COL22A1: variants seen among roughly 807,000 people sequenced by gnomAD.
The protein encoded by COL22A1 is collagen alpha-1(XXII) chain.
COL22A1 carries 221 observed loss-of-function variants against 248.9 expected under a neutral mutation model. The observed-to-expected ratio is 0.89, with a 90% CI of 0.80 to 0.99. COL22A1 has a LOEUF of 0.99. COL22A1 is among the 50% of genes least tolerant of loss of function. COL22A1 has a pLI of 0.00. For synonymous variants in COL22A1, 891 were observed against 793.4 expected, an observed-to-expected ratio of 1.12 and a Z score of -2.07; for missense variants, 2,240 against 2,179.0, an observed-to-expected ratio of 1.03 and a Z score of -0.56.
In COL22A1 at chr8:138,720,711, T is replaced by C. The variant is rs141460104; in HGVS notation, c.2355+28A>G. 2.5e-4 allele frequency: 405 copies of C among 1,592,034 alleles called. 1 individual carries two copies. The African/African-American group carries it at 5.0e-3, about 20-fold the overall frequency. ...AATAGACCACTCAGAATAGCAAGCA[T>C]AATGGGAAAAAGAGGCAAAGTCCAT... On this transcript the variant is annotated intron_variant, in intron 27 of 64. Coordinates refer to ENST00000303045, the MANE Select transcript of COL22A1 (RefSeq NM_152888.3).
chr8:138,659,449 C>T (rs561360800), intron 44 of COL22A1, among the ~76,000 whole-genome samples: 44 of 152,286 alleles, frequency 2.9e-4, no homozygotes, highest in African/African-American at 1.0e-3. Context: ...AGCTTCTGCC[C>T]AGGTGAGCAT....
At chr8:138,859,606 G>A (rs1822299149) in intron 3 of COL22A1, among the ~76,000 whole-genome samples, 1 of 152,200 alleles carries the variant, frequency 6.6e-6, no homozygotes, top group South Asian at 2.1e-4. Flanking sequence ...GCACAGGGCT[G>A]AGACCTAGAG....
intron 54 of COL22A1, among the ~76,000 whole-genome samples, chr8:138,616,561 A>G (rs1819337692): frequency 6.6e-6 from 1 of 152,202 alleles, no homozygotes; most frequent in Admixed American, 6.5e-5. Context: ...ACCTTGGGAA[A>G]TCACCCATGT....
chr8:138,709,441 T>C (rs1267116285), intron 30 of COL22A1, among the ~76,000 whole-genome samples: 2 of 152,014 alleles, frequency 1.3e-5, no homozygotes, highest in Non-Finnish European at 2.9e-5. Context: ...ATATACACCA[T>C]GGAATACTAC....
intron 16 of COL22A1, among the ~76,000 whole-genome samples, chr8:138,763,104 A>C (rs1348374361): frequency 6.6e-6 from 1 of 152,116 alleles, no homozygotes; most frequent in Non-Finnish European, 1.5e-5. Flanking sequence ...AGAAAACAAA[A>C]GCCTGGGCGT....
At chr8:138,617,037 G>T (rs1587685395) in intron 53 of COL22A1, 79 bp from the exon 54 acceptor site, 7 of 1,487,716 alleles carry the variant, frequency 4.7e-6, no homozygotes, top group Non-Finnish European at 4.7e-6. Context: ...CTCCCTGCCG[G>T]CTTTGACCCA....
At chr8:138,876,123 G>C (rs1355481640) in intron 3 of COL22A1, among the ~76,000 whole-genome samples, 1 of 151,948 alleles carries the variant, frequency 6.6e-6, no homozygotes, top group African/African-American at 2.4e-5. Context: ...CCCCTTTATG[G>C]GGACCCTGAC....
chr8:138,641,065 T>A (rs1056735124), intron 47 of COL22A1, among the ~76,000 whole-genome samples: 3 of 152,190 alleles, frequency 2.0e-5, no homozygotes, highest in African/African-American at 7.2e-5. Flanking sequence ...ATATCTGACC[T>A]CTCTATATAC....
At chr8:138,762,148 C>T (rs556938896) in intron 17 of COL22A1, among the ~76,000 whole-genome samples, 5 of 152,272 alleles carry the variant, frequency 3.3e-5, no homozygotes, top group East Asian at 3.9e-4. Flanking sequence ...AAAACGTGCG[C>T]GTGGTCAGAG....
At chr8:138,907,230 G>A (rs1815098617) in intron 1 of COL22A1, among the ~76,000 whole-genome samples, 1 of 152,190 alleles carries the variant, frequency 6.6e-6, no homozygotes, top group Admixed American at 6.5e-5. Flanking sequence ...CCACTGTTGT[G>A]GGGCTTCAGG....
chr8:138,859,743 G>A (rs530528876), intron 3 of COL22A1, among the ~76,000 whole-genome samples: 33 of 152,290 alleles, frequency 2.2e-4, no homozygotes, highest in Non-Finnish European at 3.8e-4. Flanking sequence ...TCACCTCTGA[G>A]GATCTGCAGG....
At chr8:138,641,447 C>T (rs528289437) in intron 47 of COL22A1, among the ~76,000 whole-genome samples, 70 of 152,302 alleles carry the variant, frequency 4.6e-4, no homozygotes, top group African/African-American at 1.6e-3. Context: ...AAGGCATTTA[C>T]GTCTAACTCT....
At chr8:138,665,572 A>G (rs1824431129) in intron 41 of COL22A1, among the ~76,000 whole-genome samples, 1 of 152,246 alleles carries the variant, frequency 6.6e-6, no homozygotes, top group African/African-American at 2.4e-5. Flanking sequence ...GTGCCTACAC[A>G]CAAGTCAACT....
chr8:138,716,383 A>C, intron 28 of COL22A1, 94 bp from the exon 29 acceptor site: 2 of 824,074 alleles, frequency 2.4e-6, no homozygotes, highest in Non-Finnish European at 3.9e-6. Context: ...CTCTCCAGGA[A>C]CTGGAGATGT....
At chr8:138,742,132 G>T (rs1273333151) in intron 22 of COL22A1, among the ~76,000 whole-genome samples, 2 of 151,946 alleles carry the variant, frequency 1.3e-5, no homozygotes, top group African/African-American at 4.8e-5. Context: ...TGATAGTGAT[G>T]GTGGTAGTGA....
At position 138,913,906 on chromosome 8, in the gene COL22A1, G is replaced by A. The variant is rs1179311385; in HGVS notation, c.-360C>T. The A allele has an allele frequency of 3.3e-5, 5 of 152,360 alleles. No individual in the cohort carries two copies. The highest frequency in any genetic ancestry group is 7.3e-5 in the Non-Finnish European group (5 of 68,124). The allele number at this position is 152,360 out of a possible 1,614,324, so 9.4% of individuals were successfully genotyped here. On this transcript the variant is annotated 5_prime_UTR_variant, in exon 1 of 65. Coordinates refer to ENST00000303045, the MANE Select transcript of COL22A1 (RefSeq NM_152888.3). ...AGGAAAGGCTTGAAAGTTACAGAAT[G>A]AGATAGAAAGTGTGTGAGAAACAGA...
intron 1 of COL22A1, among the ~76,000 whole-genome samples, chr8:138,901,494 G>A (rs1158424184): frequency 6.6e-6 from 1 of 150,544 alleles, no homozygotes; most frequent in Admixed American, 6.7e-5. Flanking sequence ...AGCCTCCCAG[G>A]TAGCTGAGAC....
Position 138,705,967 on chromosome 8 carries a change from C to A in COL22A1, c.2518-2620G>T, listed in dbSNP as rs572323710. On this transcript the variant is annotated intron_variant, in intron 30 of 64. Coordinates refer to ENST00000303045, the MANE Select transcript of COL22A1 (RefSeq NM_152888.3). ...CCAAGCAAATGGAAAGCAAAAAAAACCAGGGGTTGCAATCCTAGTCTCTGA... is the reference window on the plus strand; with the variant it reads ...CCAAGCAAATGGAAAGCAAAAAAAAACAGGGGTTGCAATCCTAGTCTCTGA... Among the ~76,000 whole-genome samples, 30 of 152,012 alleles carry A rather than the reference C, an allele frequency of 2.0e-4. No individual in the cohort carries two copies. The East Asian group carries it at 2.3e-3, about 12-fold the overall frequency.
At chr8:138,757,516 C>T (rs904911577) in intron 18 of COL22A1, among the ~76,000 whole-genome samples, 1 of 152,068 alleles carries the variant, frequency 6.6e-6, no homozygotes, top group Admixed American at 6.6e-5. Flanking sequence ...AATCAATCAA[C>T]ACATGTTTTA....
Sources: gnomAD v4.1 joint callset for allele counts (sites outside exome capture counted in the v4.1 genomes callset) on GRCh38, gnomAD v4.1.1 for gene constraint, MANE v1.5 for transcripts, NCBI Gene and HGNC (gene_info 2026-07-23, HGNC 2026-07-21) for gene names.